The following PTPRG variants were observed in gnomAD, a reference collection of about 807,000 sequenced individuals.
PTPRG encodes the protein protein tyrosine phosphatase receptor type G.
A neutral mutation model predicts 165.3 loss-of-function variants in PTPRG; 102 were observed. The ratio of observed to expected loss-of-function variants is 0.62; its 90% CI spans 0.53 to 0.73. The LOEUF is 0.73. Ranked by LOEUF, PTPRG falls within the 30% of genes least tolerant of loss-of-function variation. PTPRG has a pLI of 0.00. For synonymous variants in PTPRG, 675 were observed against 669.5 expected, an observed-to-expected ratio of 1.01 and a Z score of -0.13; for missense variants, 1,866 against 1,861.4, an observed-to-expected ratio of 1.00 and a Z score of -0.05.
intron 4 of PTPRG, among the ~76,000 whole-genome samples, chr3:62,073,447 A>G (rs1701274945): frequency 6.6e-6 from 1 of 152,232 alleles, no homozygotes; most frequent in African/African-American, 2.4e-5. Flanking sequence ...AACCCGCATA[A>G]ATGTGCTTGC....
intron 2 of PTPRG, among the ~76,000 whole-genome samples, chr3:61,937,823 C>T (rs1420768907): frequency 3.3e-5 from 5 of 152,144 alleles, no homozygotes; most frequent in African/African-American, 1.2e-4. Flanking sequence ...TGAGTAAAGT[C>T]TTAAAATTAT....
At chr3:61,950,006 A>G (rs1007539117) in intron 2 of PTPRG, among the ~76,000 whole-genome samples, 2 of 152,096 alleles carry the variant, frequency 1.3e-5, no homozygotes, top group African/African-American at 4.8e-5. Flanking sequence ...TCGCCCTCCC[A>G]ATGTGCTGGG....
At chr3:61,864,241 T>C (rs1226249367) in intron 2 of PTPRG, among the ~76,000 whole-genome samples, 2 of 152,160 alleles carry the variant, frequency 1.3e-5, no homozygotes, top group African/African-American at 2.4e-5. Flanking sequence ...GCTGTATAAG[T>C]AGAACCTTTT....
chr3:61,878,110 C>T (rs1187483936), intron 2 of PTPRG, among the ~76,000 whole-genome samples: 1 of 152,172 alleles, frequency 6.6e-6, no homozygotes, highest in Non-Finnish European at 1.5e-5. Context: ...CATATTCTGA[C>T]ATTTATCACC....
intron 2 of PTPRG, among the ~76,000 whole-genome samples, chr3:61,923,308 T>C (rs1447289468): frequency 3.3e-5 from 5 of 152,188 alleles, no homozygotes; most frequent in Admixed American, 2.6e-4. Flanking sequence ...TAAGAATTGA[T>C]TTAACCGTAC....
intron 1 of PTPRG, among the ~76,000 whole-genome samples, chr3:61,689,717 T>C (rs1169688096): frequency 6.6e-6 from 1 of 152,186 alleles, no homozygotes; most frequent in Non-Finnish European, 1.5e-5. Flanking sequence ...AGTCTTTATA[T>C]TTATTGGTGG....
chr3:61,703,984 G>T (rs533016479), intron 1 of PTPRG, among the ~76,000 whole-genome samples: 1 of 152,304 alleles, frequency 6.6e-6, no homozygotes, highest in East Asian at 1.9e-4. Flanking sequence ...TTTGTGGACT[G>T]CCACTCTGGG....
intron 5 of PTPRG, among the ~76,000 whole-genome samples, chr3:62,131,462 T>C (rs1244018614): frequency 3.9e-5 from 6 of 152,304 alleles, no homozygotes; most frequent in East Asian, 1.9e-4. Context: ...TGGAAAATTT[T>C]CAGTCACCTT....
chr3:62,147,346 A>G (rs1216429751), intron 6 of PTPRG, among the ~76,000 whole-genome samples: 7 of 152,186 alleles, frequency 4.6e-5, no homozygotes, highest in African/African-American at 1.7e-4. Context: ...GCCTGGCCCT[A>G]TGCACATCCT....
At chr3:61,849,562 GTTAA>G (rs1164051907) in intron 2 of PTPRG, among the ~76,000 whole-genome samples, 5 of 152,192 alleles carry the variant, frequency 3.3e-5, no homozygotes, top group Non-Finnish European at 7.3e-5. Flanking sequence ...GCTGCTAAAG[GTTAA>G]TTAGTGAGAG....
chr3:62,238,885 G>T (rs1326660135), intron 14 of PTPRG, among the ~76,000 whole-genome samples: 1 of 152,124 alleles, frequency 6.6e-6, no homozygotes, highest in Non-Finnish European at 1.5e-5. Flanking sequence ...GCTGCAAATT[G>T]TACAATAGGG....
intron 2 of PTPRG, among the ~76,000 whole-genome samples, chr3:61,808,727 C>G (rs569269156): frequency 6.6e-6 from 1 of 152,168 alleles, no homozygotes; most frequent in East Asian, 1.9e-4. Flanking sequence ...TCCTCCCTTT[C>G]CTGCCCTCCC....
At chr3:61,659,472 A>C in intron 1 of PTPRG, 1 of 981,772 alleles carries the variant, frequency 1.0e-6, no homozygotes, top group Non-Finnish European at 1.2e-6. Context: ...TGGGGTGACC[A>C]GGAAGGAGAG....
chr3:62,110,953 CTG>C (rs1024543698), intron 5 of PTPRG, among the ~76,000 whole-genome samples: 9 of 152,100 alleles, frequency 5.9e-5, no homozygotes, highest in Non-Finnish European at 7.4e-5. Context: ...TGGAAGCAAG[CTG>C]TGTGGGATGA....
chr3:61,806,888 T>A (rs1283394642), intron 2 of PTPRG, among the ~76,000 whole-genome samples: 1 of 152,206 alleles, frequency 6.6e-6, no homozygotes, highest in Non-Finnish European at 1.5e-5. Context: ...CCCTCTAAGT[T>A]CTATTAAATT....
At chr3:62,134,007 A>T (rs986716417) in intron 6 of PTPRG, among the ~76,000 whole-genome samples, 1 of 151,990 alleles carries the variant, frequency 6.6e-6, no homozygotes. Context: ...ATATATTTCC[A>T]TTGTTTCTTC....
At chr3:61,605,063 C>A (rs143571667) in intron 1 of PTPRG, among the ~76,000 whole-genome samples, 286 of 152,238 alleles carry the variant, frequency 1.9e-3, no homozygotes, top group African/African-American at 6.1e-3. Flanking sequence ...ACACTCTGTC[C>A]TTCAGCACAT....
intron 2 of PTPRG, among the ~76,000 whole-genome samples, chr3:61,869,920 A>G (rs1203963095): frequency 6.6e-6 from 1 of 151,962 alleles, no homozygotes; most frequent in Non-Finnish European, 1.5e-5. Flanking sequence ...ATTCTTGACT[A>G]CGTCACCTAA....
chr3:61,968,312 G>C (rs1303757332), intron 2 of PTPRG, among the ~76,000 whole-genome samples: 1 of 151,930 alleles, frequency 6.6e-6, no homozygotes, highest in East Asian at 1.9e-4. Flanking sequence ...TTCTATTTCA[G>C]AGCTATGTCA....
Sources: allele counts gnomAD v4.1 joint callset (sites outside exome capture counted in the v4.1 genomes callset), GRCh38; gene constraint gnomAD v4.1.1; transcripts MANE v1.5; gene names NCBI Gene and HGNC (gene_info 2026-07-23, HGNC 2026-07-21).